PDE10A: variants seen among roughly 807,000 people sequenced by gnomAD.
PDE10A encodes phosphodiesterase 10A.
In PDE10A, 39 loss-of-function variants were observed where a neutral mutation model predicts 97.7. The ratio of observed to expected loss-of-function variants is 0.40; its 90% confidence interval spans 0.31 to 0.52. PDE10A has a LOEUF of 0.52. Among genes scored for constraint, PDE10A ranks in the 20% least tolerant of loss-of-function variants. The pLI is 0.56. For missense variants in PDE10A, 731 were observed against 1,047.8 expected, an observed-to-expected ratio of 0.70 and a Z score of 4.17; for synonymous variants, 371 against 376.8, an observed-to-expected ratio of 0.98 and a Z score of 0.18.
intron 1 of PDE10A, among the ~76,000 whole-genome samples, chr6:165,847,340 C>A (rs966095014): frequency 2.6e-5 from 4 of 152,200 alleles, no homozygotes; most frequent in Non-Finnish European, 5.9e-5. Flanking sequence ...CTCACGCAAG[C>A]GGCTATATGT....
At position 165,504,092 on chromosome 6, in the gene PDE10A, T is replaced by C. The variant is rs1188759748; in HGVS notation, c.995-21749A>G. On this transcript the variant is annotated intron_variant, in intron 2 of 21. Coordinates refer to ENST00000539869, the MANE Select transcript of PDE10A (RefSeq NM_001385079.1). ...TCAAAAGCACTGCGACTTATGGCTC[T>C]GTGAAAATCCATAAAACTGATGACA... 3.9e-5 allele frequency among the ~76,000 whole-genome samples: 6 copies of C among 152,202 alleles called. No homozygotes were observed. The South Asian group carries it at 6.2e-4, about 16-fold the overall frequency.
intron 1 of PDE10A, among the ~76,000 whole-genome samples, chr6:165,653,090 A>G (rs1380504545): frequency 6.6e-6 from 1 of 152,242 alleles, no homozygotes; most frequent in Non-Finnish European, 1.5e-5. Flanking sequence ...TGAAGTTTCA[A>G]GTCATGCCAG....
At chr6:165,704,775 G>C (rs1234347819) in intron 1 of PDE10A, among the ~76,000 whole-genome samples, 1 of 152,214 alleles carries the variant, frequency 6.6e-6, no homozygotes, top group African/African-American at 2.4e-5. Context: ...AAACAAACAG[G>C]CAAGCAAAAC....
At chr6:165,750,209 T>C (rs1314975079) in intron 1 of PDE10A, among the ~76,000 whole-genome samples, 1 of 151,494 alleles carries the variant, frequency 6.6e-6, no homozygotes, top group Admixed American at 6.6e-5. Flanking sequence ...AGGGTGGGAG[T>C]CCTAGTTCAC....
At chr6:165,866,709 T>C (rs1382259960) in intron 1 of PDE10A, among the ~76,000 whole-genome samples, 1 of 142,316 alleles carries the variant, frequency 7.0e-6, no homozygotes. Context: ...TAAGAGAATA[T>C]AAGAGAATCT....
Position 165,901,367 on chromosome 6 carries a change from C to G in PDE10A, c.-615+86162G>C, listed in dbSNP as rs547394830. ...TATTCACCTAAAGTATTAAAAATGA[C>G]CATTCTCTCCTCTGTTTTAAAACAG... On this transcript the variant is annotated intron_variant, in intron 1 of 19. Transcript: ENST00000366882. Among the ~76,000 whole-genome samples the G allele has an allele frequency of 2.1e-3, 313 of 152,328 alleles. 2 individuals are homozygous for G. The highest frequency in any genetic ancestry group is 6.3e-3 in the African/African-American group (261 of 41,570).
chr6:165,590,146 A>G (rs761221295), intron 1 of PDE10A, among the ~76,000 whole-genome samples: 4 of 152,232 alleles, frequency 2.6e-5, no homozygotes, highest in African/African-American at 4.8e-5. Flanking sequence ...TATGAAGACT[A>G]GAAAAGGTTC....
chr6:165,420,250 C>A (rs1788601474), intron 10 of PDE10A, among the ~76,000 whole-genome samples: 1 of 152,162 alleles, frequency 6.6e-6, no homozygotes, highest in African/African-American at 2.4e-5. Flanking sequence ...TCATTCATTT[C>A]TTTATTTTTA....
At chr6:165,826,786 C>T (rs537735086) in intron 1 of PDE10A, among the ~76,000 whole-genome samples, 46 of 136,778 alleles carry the variant, frequency 3.4e-4, no homozygotes, top group African/African-American at 1.1e-3. Context: ...GGAGGGGGGA[C>T]GCACAGGGGG....
chr6:165,487,710 T>C (rs1779999879), intron 2 of PDE10A, among the ~76,000 whole-genome samples: 1 of 152,094 alleles, frequency 6.6e-6, no homozygotes, highest in Non-Finnish European at 1.5e-5. Context: ...ACAATATAAA[T>C]TGTTACTGAA....
At chr6:165,410,751 G>C (rs1462310363) in intron 13 of PDE10A, among the ~76,000 whole-genome samples, 1 of 151,770 alleles carries the variant, frequency 6.6e-6, no homozygotes, top group African/African-American at 2.4e-5. Flanking sequence ...TCACAAATAA[G>C]ACCTTCATAT....
At chr6:165,881,069 T>C (rs1385468532) in intron 1 of PDE10A, among the ~76,000 whole-genome samples, 1 of 152,166 alleles carries the variant, frequency 6.6e-6, no homozygotes, top group Non-Finnish European at 1.5e-5. Context: ...AAAAGAAAAA[T>C]GGTAAACAAA....
Position 165,353,515 on chromosome 6 carries a change from T to C in PDE10A, c.2784-10013A>G, listed in dbSNP as rs1016779139. On this transcript the variant is annotated intron_variant, in intron 18 of 21. Coordinates refer to ENST00000539869, the MANE Select transcript of PDE10A (RefSeq NM_001385079.1). ...TTCAGTAGATGAATGGGTAAATAAATGATGGTACATCCACACAATGCAATA... is the reference window on the plus strand; with the variant it reads ...TTCAGTAGATGAATGGGTAAATAAACGATGGTACATCCACACAATGCAATA... Among the ~76,000 whole-genome samples the C allele has an allele frequency of 1.6e-4, 25 of 152,244 alleles. 1 individual carries two copies. Among genetic ancestry groups the C allele is most frequent in the Non-Finnish European group, 2.6e-4 (18 of 67,996 alleles).
Position 165,671,694 on chromosome 6 carries a change from TCACACA to T in PDE10A, c.-614-128132_-614-128127del, listed in dbSNP as rs113167831. Reference sequence around the variant, plus strand: ...AAAACGGATGAAAAGCAGCTAGATATCACACACACACACACACATATATATAGTGTG... The same window carrying T: ...AAAACGGATGAAAAGCAGCTAGATATCACACACACACATATATATAGTGTG... On this transcript the variant is annotated intron_variant, in intron 1 of 19. Transcript: ENST00000366882. The surrounding 1 kb of genome is among the most constrained non-coding windows in gnomAD (Gnocchi z 4.6). Among the ~76,000 whole-genome samples, 4 of 151,164 alleles carry T rather than the reference TCACACA, an allele frequency of 2.6e-5. No individual in the cohort carries two copies. The highest frequency in any genetic ancestry group is 2.0e-4 in the Admixed American group (3 of 15,138).
In PDE10A at chr6:165,707,570, C is replaced by T. The variant is rs552861017; in HGVS notation, c.-614-164002G>A. Among the ~76,000 whole-genome samples, 3 of 152,224 alleles carry T rather than the reference C, an allele frequency of 2.0e-5. No individual in the cohort carries two copies. The East Asian group carries it at 5.8e-4, about 29-fold the overall frequency. ...CATTGCTTTTCACCCTGGAACTGGA[C>T]ATGCTTGCACTGTGTGTGTGTGAGT... On this transcript the variant is annotated intron_variant, in intron 1 of 19. Coordinates refer to the PDE10A transcript ENST00000366882.
chr6:165,956,623 A>T (rs1321782), intron 1 of PDE10A, among the ~76,000 whole-genome samples: 145,723 of 152,306 alleles, frequency 0.96, 69,763 homozygotes, highest in East Asian at 1. Flanking sequence ...CAGGTCTTTT[A>T]AGTTAAACCT....
intron 1 of PDE10A, among the ~76,000 whole-genome samples, chr6:165,935,196 G>GA: frequency 1.3e-5 from 2 of 152,218 alleles, no homozygotes; most frequent in East Asian, 1.9e-4. Context: ...GAGAGCTGTG[G>GA]AAAACCTTAT....
intron 1 of PDE10A, among the ~76,000 whole-genome samples, chr6:165,761,991 T>A (rs903433): frequency 0.14 from 21,289 of 152,074 alleles, 2,267 homozygotes; most frequent in African/African-American, 0.29. Context: ...TTACTCTCCC[T>A]GTCTTAAAAC....
chr6:165,334,381 C>G (rs112801834), intron 21 of PDE10A, among the ~76,000 whole-genome samples: 1 of 150,552 alleles, frequency 6.6e-6, no homozygotes, highest in African/African-American at 2.4e-5. Flanking sequence ...CGCCCTACAG[C>G]GCCGGGCACG....
Sources: gnomAD v4.1 joint callset for allele counts (sites outside exome capture counted in the v4.1 genomes callset) on GRCh38, gnomAD v4.1.1 for gene constraint, Gnocchi (gnomAD v3.1) non-coding constraint, MANE v1.5 for transcripts, NCBI Gene and HGNC (gene_info 2026-07-23, HGNC 2026-07-21) for gene names.